Variants in CELF1 observed in about 807,000 individuals in gnomAD.
CELF1 encodes the protein 50 kDa nuclear polyadenylated RNA-binding protein.
CELF1 carries 10 observed loss-of-function variants against 61.8 expected under a neutral mutation model. The observed-to-expected ratio is 0.16, with a 90% CI of 0.10 to 0.27. CELF1 has a LOEUF of 0.27. Among genes scored for constraint, CELF1 ranks in the 10% least tolerant of loss-of-function variants. The pLI is 1.00. For synonymous variants in CELF1, 236 were observed against 225.1 expected (o/e 1.05, Z -0.43); for missense variants, 380 against 639.1 (o/e 0.59, Z 4.37).
At chr11:47,535,245 A>ATT (rs1450999766) in intron 1 of CELF1, among the ~76,000 whole-genome samples, 3 of 152,166 alleles carry the variant, frequency 2.0e-5, no homozygotes, top group Non-Finnish European at 4.4e-5. Context: ...TATAAATTCC[A>ATT]TTTAAATGTG....
At chr11:47,540,984 T>C (rs1260279217) in intron 1 of CELF1, among the ~76,000 whole-genome samples, 1 of 152,000 alleles carries the variant, frequency 6.6e-6, no homozygotes, top group Non-Finnish European at 1.5e-5. Context: ...TCTAGCATGG[T>C]AAGTTAGCAG....
At chr11:47,529,075 T>C (rs1226533166) in intron 1 of CELF1, among the ~76,000 whole-genome samples, 2 of 149,874 alleles carry the variant, frequency 1.3e-5, no homozygotes, top group Admixed American at 6.7e-5. Context: ...CAGTTTATTT[T>C]ACTTTTTTTT....
At chr11:47,482,488 A>G in intron 9 of CELF1, 1 of 384,420 alleles carries the variant, frequency 2.6e-6, no homozygotes, top group Admixed American at 4.4e-5. Flanking sequence ...CTCAAGATAT[A>G]ACCAGAGATG....
At chr11:47,497,163 T>C (rs1412930912) in intron 3 of CELF1, among the ~76,000 whole-genome samples, 2 of 152,232 alleles carry the variant, frequency 1.3e-5, no homozygotes, top group Admixed American at 6.5e-5. Context: ...GGGAAGTCTC[T>C]AGATGAAAAG....
intron 9 of CELF1, among the ~76,000 whole-genome samples, chr11:47,482,290 T>C (rs935793904): frequency 3.3e-5 from 5 of 152,160 alleles, no homozygotes; most frequent in Non-Finnish European, 1.5e-5. Context: ...GAAACATTTA[T>C]CATACTCTTT....
chr11:47,553,845 C>T (rs2097192901), upstream of CELF1, among the ~76,000 whole-genome samples: 1 of 151,172 alleles, frequency 6.6e-6, no homozygotes, highest in African/African-American at 2.4e-5. Context: ...CAGGTTAGGT[C>T]TCTAAAGACT....
In CELF1 at chr11:47,482,721, T is replaced by G. The variant is rs754557498; in HGVS notation, c.742A>C (p.Asn248His). 2 of 1,613,992 alleles carry G rather than the reference T, an allele frequency of 1.2e-6. No individual in the cohort carries two copies. ...GCTAAATACTGGGGTCCAAGAGTAT[T>G]TAGACCAGCAAGGTTTCCCCACACA... ...ASVWGNLAGL[N>H]TLGPQYLALY... The change falls in exon 9 of 15, where the codon AAT (asparagine) becomes CAT (histidine). Residue 248 changes from asparagine to histidine, a missense_variant. Coordinates refer to ENST00000687097, the MANE Select transcript of CELF1 (RefSeq NM_001376376.1).
intron 1 of CELF1, among the ~76,000 whole-genome samples, chr11:47,548,477 T>G (rs554142540): frequency 3.3e-5 from 5 of 152,102 alleles, no homozygotes; most frequent in Non-Finnish European, 7.4e-5. Context: ...CATGAAATAT[T>G]TTGTGTATCA....
At chr11:47,541,764 A>C (rs1454888622) in intron 1 of CELF1, among the ~76,000 whole-genome samples, 329 of 11,360 alleles carry the variant, frequency 0.029, 56 homozygotes, top group African/African-American at 0.059. Flanking sequence ...GAACGAAAGA[A>C]AGAACGAAAG....
rs1306311860 is a variant in CELF1, at chr11:47,468,279, G to C, written c.*3951C>G. On this transcript the variant is annotated 3_prime_UTR_variant, in exon 15 of 15. Transcript: ENST00000687097. ...GTGCAGCCTGCGGTCAAAAAGGAAA[G>C]GGGGTTCAGGTGCTCTCCGCAGTTG... 6.6e-6 allele frequency: 1 copy of C among 152,194 alleles called. No individual in the cohort carries two copies. Among genetic ancestry groups the C allele is most frequent in the Non-Finnish European group, 1.5e-5 (1 of 68,104 alleles). 9.4% of individuals were successfully genotyped at this position (152,194 alleles called of 1,614,324 possible). A position where few individuals can be genotyped will look rare whatever the true frequency, so the allele number is the denominator to read the frequency against.
intron 1 of CELF1, among the ~76,000 whole-genome samples, chr11:47,526,397 T>C (rs1283669767): frequency 6.6e-6 from 1 of 152,172 alleles, no homozygotes; most frequent in Admixed American, 6.5e-5. Flanking sequence ...ATTTCTAAGA[T>C]CCCTCCATTT....
chr11:47,476,368 G>A (rs978495943), intron 12 of CELF1, among the ~76,000 whole-genome samples: 5 of 152,136 alleles, frequency 3.3e-5, no homozygotes, highest in African/African-American at 7.2e-5. Context: ...TTAGAAAGGT[G>A]GTCCGAAGTT....
At chr11:47,476,181 G>C (rs1332943925) in intron 12 of CELF1, among the ~76,000 whole-genome samples, 1 of 151,500 alleles carries the variant, frequency 6.6e-6, no homozygotes, top group African/African-American at 2.4e-5. Context: ...TTGTAGAGAT[G>C]GAGTTCTCAC....
chr11:47,510,208 C>G (rs1447399322), intron 1 of CELF1, among the ~76,000 whole-genome samples: 1 of 152,186 alleles, frequency 6.6e-6, no homozygotes, highest in Non-Finnish European at 1.5e-5. Context: ...TTTAACTTCA[C>G]TGACAGAAAA....
At chr11:47,509,994 G>A (rs1249929769) in intron 1 of CELF1, among the ~76,000 whole-genome samples, 2 of 151,782 alleles carry the variant, frequency 1.3e-5, no homozygotes, top group Non-Finnish European at 1.5e-5. Context: ...CTCGGGAAGC[G>A]GAGGTTGCAG....
intron 1 of CELF1, among the ~76,000 whole-genome samples, chr11:47,525,344 A>G (rs1403252986): frequency 1.3e-5 from 2 of 152,218 alleles, no homozygotes. Flanking sequence ...GATTCACTTC[A>G]ATGTGAAGTA....
intron 2 of CELF1, among the ~76,000 whole-genome samples, chr11:47,561,736 G>A (rs1045500834): frequency 2.0e-5 from 3 of 152,138 alleles, no homozygotes; most frequent in Admixed American, 6.6e-5. Context: ...CAGCAGCATT[G>A]TTCAAAATAG....
At chr11:47,473,516 T>A (rs939864616) in intron 13 of CELF1, among the ~76,000 whole-genome samples, 1 of 152,028 alleles carries the variant, frequency 6.6e-6, no homozygotes, top group Admixed American at 6.6e-5. Context: ...CCGACTTGTG[T>A]GTGGAGCAGG....
chr11:47,536,596 T>C (rs1418120038), intron 1 of CELF1, among the ~76,000 whole-genome samples: 1 of 151,908 alleles, frequency 6.6e-6, no homozygotes, highest in Non-Finnish European at 1.5e-5. Flanking sequence ...AACCCGTCAC[T>C]ACTAAAAAAA....
Sources: gnomAD v4.1 joint callset for allele counts (sites outside exome capture counted in the v4.1 genomes callset) on GRCh38, gnomAD v4.1.1 for gene constraint, MANE v1.5 for transcripts, NCBI Gene and HGNC (gene_info 2026-07-23, HGNC 2026-07-21) for gene names.